The following FAT3 variants were observed in gnomAD, a reference collection of about 807,000 sequenced individuals.
The protein encoded by FAT3 is FAT atypical cadherin 3.
Under a neutral mutation model 310.2 loss-of-function variants are expected in FAT3, and 95 were observed. The ratio of observed to expected loss-of-function variants is 0.31; its 90% CI spans 0.26 to 0.36. The LOEUF (loss-of-function observed/expected upper bound fraction) is 0.36, where lower values mean the gene tolerates loss of function less well. Ranked by LOEUF, FAT3 falls within the 10% of genes least tolerant of loss-of-function variation. The pLI is 1.00. For synonymous variants in FAT3, 2,314 were observed against 2,192.9 expected (o/e 1.06, Z -1.54); for missense variants, 5,408 against 5,715.6 (o/e 0.95, Z 1.74).
intron 2 of FAT3, among the ~76,000 whole-genome samples, chr11:92,516,728 A>T (rs1212832888): frequency 6.6e-6 from 1 of 152,204 alleles, no homozygotes; most frequent in Non-Finnish European, 1.5e-5. Flanking sequence ...ATGATTGTAT[A>T]TTTAGAAAAC....
intron 4 of FAT3, among the ~76,000 whole-genome samples, chr11:92,709,085 C>T (rs996902365): frequency 3.3e-5 from 5 of 152,196 alleles, no homozygotes; most frequent in African/African-American, 4.8e-5. Flanking sequence ...ATTAGTCTTA[C>T]GACTAGGATG....
intron 3 of FAT3, among the ~76,000 whole-genome samples, chr11:92,694,710 C>G (rs1284004844): frequency 6.6e-6 from 1 of 152,130 alleles, no homozygotes; most frequent in African/African-American, 2.4e-5. Context: ...CAAAGGGGTC[C>G]TGGTCTTTTG....
At chr11:92,852,377 C>A (rs1010940699) in intron 19 of FAT3, among the ~76,000 whole-genome samples, 1 of 152,184 alleles carries the variant, frequency 6.6e-6, no homozygotes, top group East Asian at 1.9e-4. Context: ...TTTACACTGG[C>A]CTGCAGATTC....
chr11:92,236,048 GTTA>G (rs1198179277), intron 1 of FAT3, among the ~76,000 whole-genome samples: 1 of 152,162 alleles, frequency 6.6e-6, no homozygotes, highest in Non-Finnish European at 1.5e-5. Flanking sequence ...AAGTAAGAAT[GTTA>G]TTATTATAAG....
At chr11:92,534,421 G>A (rs1384899842) in intron 3 of FAT3, among the ~76,000 whole-genome samples, 1 of 152,156 alleles carries the variant, frequency 6.6e-6, no homozygotes, top group Non-Finnish European at 1.5e-5. Flanking sequence ...AAAAACATGA[G>A]CAAACTAAAT....
intron 2 of FAT3, among the ~76,000 whole-genome samples, chr11:92,367,655 C>A (rs1450680275): frequency 2.0e-5 from 3 of 151,962 alleles, no homozygotes; most frequent in Non-Finnish European, 4.4e-5. Context: ...CAAAAAAAAA[C>A]TGATAGTAGA....
chr11:92,422,679 G>A (rs1012731065), intron 2 of FAT3, among the ~76,000 whole-genome samples: 5 of 152,152 alleles, frequency 3.3e-5, no homozygotes, highest in Non-Finnish European at 7.4e-5. Flanking sequence ...AGAAGGGGGT[G>A]TAGTAAGAGG....
chr11:92,460,891 A>G (rs1013232345), intron 2 of FAT3, among the ~76,000 whole-genome samples: 1 of 152,202 alleles, frequency 6.6e-6, no homozygotes. Context: ...TGAATGAACC[A>G]TCACCACTGC....
chr11:92,409,401 A>G (rs1467209910), intron 2 of FAT3, among the ~76,000 whole-genome samples: 1 of 152,164 alleles, frequency 6.6e-6, no homozygotes, highest in Non-Finnish European at 1.5e-5. Flanking sequence ...CTGCATTTCA[A>G]TACATTTGTA....
intron 13 of FAT3, among the ~76,000 whole-genome samples, chr11:92,830,138 A>T (rs1160729584): frequency 6.6e-6 from 1 of 152,200 alleles, no homozygotes; most frequent in Non-Finnish European, 1.5e-5. Flanking sequence ...TTAGGATCAG[A>T]ATGGTGCTTT....
chr11:92,584,645 CA>C (rs5793611), intron 3 of FAT3, among the ~76,000 whole-genome samples: 151,925 of 152,016 alleles, frequency 1, 75,918 homozygotes, highest in Middle Eastern at 1. Context: ...CACAGGTCTT[CA>C]AACAGGCTAC....
intron 2 of FAT3, among the ~76,000 whole-genome samples, chr11:92,510,296 A>T (rs1490480415): frequency 6.6e-6 from 1 of 152,108 alleles, no homozygotes; most frequent in African/African-American, 2.4e-5. Context: ...CCATTGCTCT[A>T]GGTTTCAACC....
intron 1 of FAT3, among the ~76,000 whole-genome samples, chr11:92,319,032 G>C (rs1205598217): frequency 6.6e-6 from 1 of 152,114 alleles, no homozygotes; most frequent in Non-Finnish European, 1.5e-5. Flanking sequence ...TCGTGGGAGA[G>C]CTTTGATCAG....
At chr11:92,234,816 C>G (rs534160803) in intron 1 of FAT3, among the ~76,000 whole-genome samples, 1 of 151,398 alleles carries the variant, frequency 6.6e-6, no homozygotes, top group South Asian at 2.1e-4. Context: ...ACAGGAGAAT[C>G]TCTTGAACCC....
intron 2 of FAT3, among the ~76,000 whole-genome samples, chr11:92,505,426 G>A (rs1953071407): frequency 6.6e-6 from 1 of 152,126 alleles, no homozygotes; most frequent in Admixed American, 6.6e-5. Context: ...TGCAGCAGAT[G>A]CATTTTGGAG....
At chr11:92,700,016 G>T (rs989156764) in intron 4 of FAT3, among the ~76,000 whole-genome samples, 21 of 152,190 alleles carry the variant, frequency 1.4e-4, no homozygotes, top group Non-Finnish European at 2.6e-4. Flanking sequence ...ACCAGGGACT[G>T]CCCTAAGTCC....
chr11:92,746,811 T>C (rs757579319), intron 4 of FAT3, among the ~76,000 whole-genome samples: 3 of 152,114 alleles, frequency 2.0e-5, no homozygotes, highest in Non-Finnish European at 2.9e-5. Context: ...CAAAATCCAA[T>C]AGGGTAGTCA....
At chr11:92,882,605 C>A in intron 23 of FAT3, 133 bp from the exon 24 acceptor site, 16 of 468,892 alleles carry the variant, frequency 3.4e-5, no homozygotes, top group Non-Finnish European at 5.2e-5. Context: ...CACCAACCAT[C>A]TTTGTCCTGC....
intron 2 of FAT3, among the ~76,000 whole-genome samples, chr11:92,437,897 A>AG (rs1950977294): frequency 1.3e-5 from 2 of 151,926 alleles, no homozygotes; most frequent in Non-Finnish European, 2.9e-5. Context: ...TTGGTGGGAG[A>AG]AAGAGAGACA....
Sources: gnomAD v4.1 joint callset for allele counts (sites outside exome capture counted in the v4.1 genomes callset) on GRCh38, gnomAD v4.1.1 for gene constraint, MANE v1.5 for transcripts, NCBI Gene and HGNC (gene_info 2026-07-23, HGNC 2026-07-21) for gene names.